LRP2: variants seen among roughly 807,000 people sequenced by gnomAD.
The protein encoded by LRP2 is low-density lipoprotein receptor-related protein 2.
LRP2 carries 172 observed loss-of-function variants against 531.0 expected under a neutral mutation model. The ratio of observed to expected loss-of-function variants is 0.32; its 90% CI spans 0.29 to 0.37. The LOEUF (loss-of-function observed/expected upper bound fraction) is 0.37, where lower values mean the gene tolerates loss of function less well. LRP2 is among the 10% of genes least tolerant of loss of function. LRP2 has a pLI of 1.00. For synonymous variants in LRP2, 1,992 were observed against 2,027.6 expected (o/e 0.98, Z 0.47); for missense variants, 5,167 against 5,868.3 (o/e 0.88, Z 3.90).
At chr2:169,243,286 A>G in intron 23 of LRP2, 117 bp downstream of exon 23, 4 of 1,258,402 alleles carry the variant, frequency 3.2e-6, no homozygotes, top group Non-Finnish European at 4.5e-6. Context: ...TCCCTTCTCT[A>G]GCTCCCCACC....
At chr2:169,343,406 C>T (rs1685616794) in intron 1 of LRP2, among the ~76,000 whole-genome samples, 1 of 152,114 alleles carries the variant, frequency 6.6e-6, no homozygotes, top group Non-Finnish European at 1.5e-5. Flanking sequence ...TTCTTTATTT[C>T]AAAAAATCAC....
At chr2:169,156,253 C>T in intron 65 of LRP2, 21 bp downstream of exon 65, 1 of 1,613,232 alleles carries the variant, frequency 6.2e-7, no homozygotes, top group Non-Finnish European at 8.5e-7. Flanking sequence ...GTCAATTAAT[C>T]CCAACATGAA....
At chr2:169,148,896 A>G (rs1041335122) in intron 68 of LRP2, among the ~76,000 whole-genome samples, 1 of 152,094 alleles carries the variant, frequency 6.6e-6, no homozygotes, top group African/African-American at 2.4e-5. Flanking sequence ...ACTCTCACCC[A>G]CATTGACCTC....
chr2:169,357,835 A>T (rs1481345985), intron 1 of LRP2, among the ~76,000 whole-genome samples: 1 of 152,228 alleles, frequency 6.6e-6, no homozygotes, highest in Non-Finnish European at 1.5e-5. Flanking sequence ...ACTAGAGAAC[A>T]TGAACAATGA....
intron 1 of LRP2, among the ~76,000 whole-genome samples, chr2:169,361,347 TC>T (rs1686148218): frequency 2.3e-5 from 1 of 42,806 alleles, no homozygotes; most frequent in African/African-American, 1.0e-4. Context: ...TCTGTCTCTC[TC>T]TGTCTCTCTC....
intron 64 of LRP2, among the ~76,000 whole-genome samples, chr2:169,157,169 C>T (rs918750167): frequency 6.6e-6 from 1 of 152,134 alleles, no homozygotes; most frequent in Non-Finnish European, 1.5e-5. Flanking sequence ...ATCTGACAAG[C>T]ACTCAGGTAG....
chr2:169,309,201 T>C (rs1433319827), intron 3 of LRP2, among the ~76,000 whole-genome samples: 6 of 152,240 alleles, frequency 3.9e-5, no homozygotes, highest in Non-Finnish European at 8.8e-5. Flanking sequence ...GTAGTTTCTA[T>C]TGCTGTGCAG....
chr2:169,184,762 TG>T (rs1687568991), intron 50 of LRP2, among the ~76,000 whole-genome samples: 1 of 92,784 alleles, frequency 1.1e-5, no homozygotes, highest in Non-Finnish European at 2.2e-5. Flanking sequence ...TTTTTTGTTT[TG>T]TTTGTTTTGT....
chr2:169,247,367 A>G lies in LRP2; in HGVS notation c.2908+11T>C, dbSNP rs886055088. On this transcript the variant is annotated intron_variant, in intron 20 of 78. Coordinates refer to ENST00000649046, the MANE Select transcript of LRP2 (RefSeq NM_004525.3). The stretch of plus-strand genomic sequence containing the variant: ...ACAAAAAAATAAAAAAAACTGGGCA[A>G]TCTCACTCACCAGTCTGGATGTTGA... 5 of 1,613,962 alleles carry G rather than the reference A, an allele frequency of 3.1e-6. No homozygotes were observed. The East Asian group carries it at 8.9e-5, about 29-fold the overall frequency.
intron 9 of LRP2, among the ~76,000 whole-genome samples, chr2:169,283,501 T>C (rs139877345): frequency 5.9e-5 from 9 of 152,318 alleles, no homozygotes; most frequent in African/African-American, 2.2e-4. Context: ...AGAGTGAAGA[T>C]ACACATTTAC....
intron 63 of LRP2, among the ~76,000 whole-genome samples, chr2:169,160,690 A>AAAAAACAAAAAC (rs1553487439): frequency 5.4e-5 from 8 of 147,110 alleles, no homozygotes; most frequent in African/African-American, 2.0e-4. Context: ...CTTAAAAAAA[A>AAAAAACAAAAAC]AAAAACCTGC....
intron 1 of LRP2, among the ~76,000 whole-genome samples, chr2:169,350,608 A>AG (rs1445328981): frequency 1.3e-5 from 2 of 150,106 alleles, no homozygotes; most frequent in African/African-American, 4.9e-5. Flanking sequence ...CTGTAATCCC[A>AG]GTTTACTTGG....
intron 2 of LRP2, 86 bp downstream of exon 2, chr2:169,320,691 T>C (rs569639176): frequency 1.8e-6 from 2 of 1,127,244 alleles, no homozygotes; most frequent in Admixed American, 1.7e-5. Flanking sequence ...CTAAAAGGCA[T>C]AGCTCTTCTC....
intron 8 of LRP2, among the ~76,000 whole-genome samples, chr2:169,290,227 G>T (rs933061189): frequency 7.1e-6 from 1 of 140,412 alleles, no homozygotes; most frequent in Non-Finnish European, 1.5e-5. Context: ...TTTGCCATTG[G>T]AGAGTAACTC....
intron 4 of LRP2, among the ~76,000 whole-genome samples, chr2:169,297,682 A>C (rs1218792012): frequency 6.6e-6 from 1 of 152,114 alleles, no homozygotes; most frequent in Non-Finnish European, 1.5e-5. Flanking sequence ...TTCACTGTTA[A>C]TGATTTGGTT....
In LRP2 at chr2:169,182,182, A is replaced by G. The variant is rs1309295860; in HGVS notation, c.9983T>C (p.Leu3328Pro). 2 of 1,614,140 alleles carry G rather than the reference A, an allele frequency of 1.2e-6. No homozygotes were observed. The highest frequency in any genetic ancestry group is 2.2e-5 in the South Asian group (2 of 91,082). The change falls in exon 51 of 79, where the codon CTT becomes CCT. Residue 3328 changes from leucine (L) to proline (P), a missense_variant. Leu to Pro is a moderately conservative substitution (Grantham distance 98). This residue lies in a region of LRP2 where 1,129 missense variants were observed against 1,362.7 expected (regional missense o/e 0.83). Transcript: ENST00000649046. ...FCFDNPRGLA[L>P]HPQYGYLYWA... ...GAGACAATACCCATATTGAGGGTGA[A>G]GGGCAAGTCCTCTGGGATTATCAAA...
chr2:169,207,297 GA>G (rs1688432029), intron 38 of LRP2, 47 bp from the exon 39 acceptor site: 11 of 1,320,362 alleles, frequency 8.3e-6, no homozygotes, highest in South Asian at 3.6e-5. Flanking sequence ...GAACCAAGAA[GA>G]AAAAAAGGGA....
intron 62 of LRP2, among the ~76,000 whole-genome samples, chr2:169,163,014 G>A (rs776551459): frequency 7.9e-5 from 12 of 152,170 alleles, no homozygotes; most frequent in East Asian, 1.9e-4. Context: ...TAATTACTCC[G>A]AATAACATAG....
intron 4 of LRP2, among the ~76,000 whole-genome samples, chr2:169,295,219 G>A (rs1208952471): frequency 1.3e-5 from 2 of 152,204 alleles, no homozygotes; most frequent in African/African-American, 4.8e-5. Flanking sequence ...GCGGCCCAGA[G>A]GTACCACTAA....
Sources: gnomAD v4.1 joint callset for allele counts (sites outside exome capture counted in the v4.1 genomes callset) on GRCh38, gnomAD v4.1.1 for gene constraint, gnomAD v4.1.1 regional missense constraint, MANE v1.5 for transcripts, NCBI Gene and HGNC (gene_info 2026-07-23, HGNC 2026-07-21) for gene names.